Variants in FSD1L observed in about 807,000 individuals in gnomAD.
The protein encoded by FSD1L is fibronectin type III and SPRY domain containing 1 like, also known as FSD1-like protein.
A neutral mutation model predicts 71.6 loss-of-function variants in FSD1L; 45 were observed. That is an observed-to-expected ratio of 0.63 (90% CI 0.49 to 0.81). The LOEUF (loss-of-function observed/expected upper bound fraction) is 0.81, where lower values mean the gene tolerates loss of function less well. Ranked by LOEUF, FSD1L falls within the 30% of genes least tolerant of loss-of-function variation. The pLI is 0.00. For missense variants in FSD1L, 561 were observed against 618.1 expected, an observed-to-expected ratio of 0.91 and a Z score of 0.98; for synonymous variants, 197 against 207.2, an observed-to-expected ratio of 0.95 and a Z score of 0.42.
Position 105,495,453 on chromosome 9 carries a change from C to T in FSD1L, c.587-10946C>T, listed in dbSNP as rs996744973. On this transcript the variant is annotated intron_variant, in intron 7 of 13. Coordinates refer to ENST00000481272, the MANE Select transcript of FSD1L (RefSeq NM_001145313.3). ...GAACTCCCTGACCCCTTGCTCTTCC[C>T]GAGTGAGGCAATGCCTCGCCCTGCT... Among the ~76,000 whole-genome samples the T allele has an allele frequency of 3.3e-5, 5 of 152,216 alleles. No homozygotes were observed. In the South Asian group the frequency reaches 6.2e-4, roughly 19 times the overall value.
At chr9:105,516,623 A>T (rs1348526710) in intron 10 of FSD1L, among the ~76,000 whole-genome samples, 1 of 152,174 alleles carries the variant, frequency 6.6e-6, no homozygotes, top group Non-Finnish European at 1.5e-5. Flanking sequence ...AGGAAAACTA[A>T]CAAACAGAAA....
At chr9:105,447,766 G>A (rs1365686137), upstream of FSD1L, 1 of 238,584 alleles carries the variant, frequency 4.2e-6, no homozygotes, top group Non-Finnish European at 8.2e-6. Context: ...GGTGGAGGGT[G>A]GGCTAATCCG....
chr9:105,530,793 A>G, intron 10 of FSD1L: 1 of 510,330 alleles, frequency 2.0e-6, no homozygotes, highest in Non-Finnish European at 3.5e-6. Context: ...CAAAATGCCA[A>G]AGGCCTTTGT....
At chr9:105,512,447 G>A (rs1238553726) in intron 9 of FSD1L, among the ~76,000 whole-genome samples, 1 of 152,016 alleles carries the variant, frequency 6.6e-6, no homozygotes, top group African/African-American at 2.4e-5. Context: ...AATTCTTCCA[G>A]TTCCCCTTCC....
chr9:105,493,470 T>A (rs975761184), intron 7 of FSD1L, among the ~76,000 whole-genome samples: 1 of 151,558 alleles, frequency 6.6e-6, no homozygotes, highest in African/African-American at 2.4e-5. Context: ...CCAGTCTGTG[T>A]CTTTTAATTG....
At chr9:105,470,166 T>C (rs1028033602) in intron 4 of FSD1L, among the ~76,000 whole-genome samples, 1 of 152,218 alleles carries the variant, frequency 6.6e-6, no homozygotes, top group East Asian at 1.9e-4. Context: ...CCTATAGTTT[T>C]GTAAGGTATT....
At chr9:105,483,713 T>C (rs565616190) in intron 6 of FSD1L, among the ~76,000 whole-genome samples, 165 of 152,312 alleles carry the variant, frequency 1.1e-3, no homozygotes, top group Middle Eastern at 6.8e-3. Context: ...GTTTATTGAA[T>C]TCCTGTTACT....
upstream of FSD1L, among the ~76,000 whole-genome samples, chr9:105,444,475 G>A (rs1829600062): frequency 6.6e-6 from 1 of 152,166 alleles, no homozygotes; most frequent in African/African-American, 2.4e-5. Flanking sequence ...TGGCAACACT[G>A]AAAGGAAGGA....
chr9:105,514,074 C>T (rs191966930), intron 10 of FSD1L, among the ~76,000 whole-genome samples: 1 of 152,254 alleles, frequency 6.6e-6, no homozygotes, highest in Non-Finnish European at 1.5e-5. Context: ...AAATAAAGGC[C>T]ATTGCTAAAA....
intron 7 of FSD1L, among the ~76,000 whole-genome samples, chr9:105,498,062 C>G (rs941691880): frequency 1.6e-4 from 24 of 152,012 alleles, no homozygotes; most frequent in African/African-American, 5.3e-4. Context: ...CTAGACTGGT[C>G]TCAAACCCCT....
chr9:105,525,822 A>C (rs1280411751), intron 10 of FSD1L: 1 of 1,605,440 alleles, frequency 6.2e-7, no homozygotes, highest in Non-Finnish European at 8.5e-7. Context: ...TGGGAGGACT[A>C]CAAAAAAACA....
At chr9:105,525,867 C>T in intron 10 of FSD1L, 2 of 1,577,212 alleles carry the variant, frequency 1.3e-6, no homozygotes, top group Non-Finnish European at 1.7e-6. Context: ...ATTTTGCTAC[C>T]TCTACAGTAG....
At chr9:105,534,185 T>C (rs1346738054) in intron 10 of FSD1L, among the ~76,000 whole-genome samples, 1 of 152,240 alleles carries the variant, frequency 6.6e-6, no homozygotes, top group Non-Finnish European at 1.5e-5. Flanking sequence ...GTTCTTTTTT[T>C]TCTTTAGTAA....
At chr9:105,484,700 A>C (rs1166616224) in intron 7 of FSD1L, among the ~76,000 whole-genome samples, 198 bp downstream of exon 7, 2 of 152,008 alleles carry the variant, frequency 1.3e-5, no homozygotes, top group Admixed American at 1.3e-4. Context: ...CATTTTCAGA[A>C]TCCTATCAAG....
At chr9:105,487,439 T>G (rs1588988017) in intron 7 of FSD1L, among the ~76,000 whole-genome samples, 1 of 151,982 alleles carries the variant, frequency 6.6e-6, no homozygotes, top group South Asian at 2.1e-4. Flanking sequence ...TTTTTTTTCC[T>G]ATTCTAATAG....
At chr9:105,453,502 TGTGTGTGTGC>T (rs1830180302) in intron 1 of FSD1L, among the ~76,000 whole-genome samples, 2 of 152,148 alleles carry the variant, frequency 1.3e-5, no homozygotes, top group African/African-American at 4.8e-5. Context: ...TTTGTGTGTG[TGTGTGTGTGC>T]GTGTGTGTGC....
Position 105,484,510 on chromosome 9 carries a change from C to A in FSD1L, c.586+8C>A. 1 of 1,469,650 alleles carries A rather than the reference C, an allele frequency of 6.8e-7. No individual in the cohort carries two copies. Among genetic ancestry groups the A allele is most frequent in the Non-Finnish European group, 9.0e-7 (1 of 1,112,822 alleles). The allele number at this position is 1,469,650 out of a possible 1,614,324, so 91.0% of individuals were successfully genotyped here. A position where few individuals can be genotyped will look rare whatever the true frequency, so the allele number is the denominator to read the frequency against. ...CTTTGAAGTTTTTGCCAGGTAAATACATGTATTACATGTAAAGTTTTGTAT... is the reference window on the plus strand; with the variant it reads ...CTTTGAAGTTTTTGCCAGGTAAATAAATGTATTACATGTAAAGTTTTGTAT... On this transcript the variant is annotated splice_region_variant and intron_variant, in intron 7 of 13. Transcript: ENST00000481272.
chr9:105,450,293 G>T (rs1250121263), intron 1 of FSD1L, among the ~76,000 whole-genome samples: 1 of 152,154 alleles, frequency 6.6e-6, no homozygotes, highest in Non-Finnish European at 1.5e-5. Context: ...AGTCAGTAGA[G>T]TATAAGAAAA....
chr9:105,527,432 A>G (rs1287729568), intron 10 of FSD1L, among the ~76,000 whole-genome samples: 1 of 152,190 alleles, frequency 6.6e-6, no homozygotes, highest in Non-Finnish European at 1.5e-5. Flanking sequence ...GTTAAATCTA[A>G]TATTGTTAAT....
Sources: gnomAD v4.1 joint callset for allele counts (sites outside exome capture counted in the v4.1 genomes callset) on GRCh38, gnomAD v4.1.1 for gene constraint, MANE v1.5 for transcripts, NCBI Gene and HGNC (gene_info 2026-07-23, HGNC 2026-07-21) for gene names.